Variants in CDH4 observed in about 807,000 individuals in gnomAD.
CDH4 encodes the protein cadherin 4.
A neutral mutation model predicts 86.0 loss-of-function variants in CDH4; 33 were observed. The ratio of observed to expected loss-of-function variants is 0.38; its 90% CI spans 0.29 to 0.51. The LOEUF is 0.51. Ranked by LOEUF, CDH4 falls within the 20% of genes least tolerant of loss-of-function variation. The pLI is 0.86. For missense variants in CDH4, 1,114 were observed against 1,307.4 expected, an observed-to-expected ratio of 0.85 and a Z score of 2.28; for synonymous variants, 555 against 549.4, an observed-to-expected ratio of 1.01 and a Z score of -0.14.
chr20:61,476,999 C>T (rs1202758559), intron 2 of CDH4, among the ~76,000 whole-genome samples: 1 of 152,210 alleles, frequency 6.6e-6, no homozygotes, highest in Non-Finnish European at 1.5e-5. Flanking sequence ...CCAGAGGTGA[C>T]AAAGGCAGAC....
chr20:61,623,916 A>G lies in CDH4; in HGVS notation c.170-119647A>G, dbSNP rs4925263. ...GAACACCCCAGAATCTGAGGAGGAA[A>G]GACACGGTTCCTAGAGCGAGGAACA... On this transcript the variant is annotated intron_variant, in intron 2 of 15. Transcript: ENST00000614565. This position sits in a 1 kb window ranked among gnomAD's most constrained non-coding sequence, Gnocchi z 4.4. 0.33 allele frequency among the ~76,000 whole-genome samples: 46,931 copies of G among 143,728 alleles called. 8,280 individuals carry two copies. Among genetic ancestry groups the G allele is most frequent in the East Asian group, 0.61 (2,888 of 4,726 alleles). 94.3% of individuals were successfully genotyped at this position (143,728 alleles called of 152,430 possible).
At chr20:61,711,674 A>G (rs2087894800) in intron 2 of CDH4, among the ~76,000 whole-genome samples, 1 of 152,206 alleles carries the variant, frequency 6.6e-6, no homozygotes, top group African/African-American at 2.4e-5. Context: ...GTAAGGTGGC[A>G]TAGTCACAGG....
chr20:61,327,692 T>C (rs2084544139), intron 2 of CDH4, among the ~76,000 whole-genome samples: 1 of 152,050 alleles, frequency 6.6e-6, no homozygotes, highest in African/African-American at 2.4e-5. Flanking sequence ...TCCACCAAGA[T>C]GTAACATGGA....
intron 2 of CDH4, among the ~76,000 whole-genome samples, chr20:61,586,035 G>GTGA (rs1357219921): frequency 2.7e-5 from 4 of 150,274 alleles, no homozygotes; most frequent in Non-Finnish European, 5.9e-5. Flanking sequence ...TGGTGATGAT[G>GTGA]TGGTGATGAG....
intron 2 of CDH4, among the ~76,000 whole-genome samples, chr20:61,256,845 G>A (rs1291293966): frequency 2.6e-5 from 4 of 152,186 alleles, no homozygotes; most frequent in Non-Finnish European, 5.9e-5. Context: ...CCTTCTCACT[G>A]TTTTCTTCCA....
chr20:61,353,666 TCTTCC>T (rs2084728132), intron 2 of CDH4, among the ~76,000 whole-genome samples: 1 of 8,672 alleles, frequency 1.2e-4, no homozygotes, highest in Admixed American at 1.4e-3. Flanking sequence ...TTCTTCCTCC[TCTTCC>T]CCCTCCTCCT....
At chr20:61,559,852 C>T (rs2086203710) in intron 2 of CDH4, among the ~76,000 whole-genome samples, 2 of 152,270 alleles carry the variant, frequency 1.3e-5, no homozygotes, top group South Asian at 4.1e-4. Context: ...TCCCAGCTGG[C>T]CATGCCGCTG....
chr20:61,296,294 TGTGC>T (rs2084353798), intron 2 of CDH4, among the ~76,000 whole-genome samples: 2 of 128,186 alleles, frequency 1.6e-5, no homozygotes, highest in African/African-American at 6.0e-5. Flanking sequence ...CGTGTGTGTG[TGTGC>T]GTGGGTGCGT....
chr20:61,529,819 C>G (rs2085938543), intron 2 of CDH4, among the ~76,000 whole-genome samples: 1 of 152,094 alleles, frequency 6.6e-6, no homozygotes, highest in African/African-American at 2.4e-5. Context: ...GTGGAACACA[C>G]TCATCAGTGT....
chr20:61,847,804 C>T (rs964342630), intron 5 of CDH4, among the ~76,000 whole-genome samples: 8 of 151,872 alleles, frequency 5.3e-5, no homozygotes, highest in African/African-American at 1.5e-4. Context: ...GAGAGAGGGA[C>T]GGAGGTGCCA....
intron 2 of CDH4, among the ~76,000 whole-genome samples, chr20:61,346,333 G>A (rs2123291275): frequency 6.6e-6 from 1 of 152,320 alleles, no homozygotes; most frequent in Middle Eastern, 3.4e-3. Flanking sequence ...GGGAGGCAGG[G>A]ATCAGCCAGG....
At chr20:61,321,086 C>T (rs970996475) in intron 2 of CDH4, among the ~76,000 whole-genome samples, 2 of 152,150 alleles carry the variant, frequency 1.3e-5, no homozygotes, top group South Asian at 4.1e-4. Context: ...CATTGACCTA[C>T]CTAGTCCCGC....
intron 2 of CDH4, among the ~76,000 whole-genome samples, chr20:61,714,400 TTTTTG>T (rs1339431622): frequency 5.3e-5 from 8 of 151,928 alleles, no homozygotes; most frequent in Admixed American, 1.3e-4. Context: ...GATATTTTAT[TTTTTG>T]TTTTATTTAC....
chr20:61,637,909 T>C (rs2086964080), intron 2 of CDH4, among the ~76,000 whole-genome samples: 1 of 151,594 alleles, frequency 6.6e-6, no homozygotes, highest in Admixed American at 6.6e-5. Context: ...AAAGCCCAGC[T>C]ATTTGGGAGG....
chr20:61,810,403 G>A lies in CDH4; in HGVS notation c.577-34265G>A, dbSNP rs988486554. ...ACTCTTCCCAGCAAAAACTGCCCTC[G>A]GCCAAGTTTCTGACCTGGGTTCTCA... On this transcript the variant is annotated intron_variant, in intron 4 of 15. Transcript: ENST00000614565. The surrounding 1 kb of genome is among the most constrained non-coding windows in gnomAD (Gnocchi z 4.3). Among the ~76,000 whole-genome samples, 9 of 152,170 alleles carry A rather than the reference G, an allele frequency of 5.9e-5. No homozygotes were observed. Among genetic ancestry groups the A allele is most frequent in the Admixed American group, 3.9e-4 (6 of 15,276 alleles).
At chr20:61,587,550 C>T (rs567408092) in intron 2 of CDH4, among the ~76,000 whole-genome samples, 2 of 152,154 alleles carry the variant, frequency 1.3e-5, no homozygotes, top group African/African-American at 2.4e-5. Context: ...GGTTCCAGGC[C>T]GAGCGCGGGG....
chr20:61,616,402 GC>G (rs766454381), intron 2 of CDH4, among the ~76,000 whole-genome samples: 2 of 152,188 alleles, frequency 1.3e-5, no homozygotes, highest in Non-Finnish European at 2.9e-5. Context: ...CTCCTGCATT[GC>G]CCACAGAGGA....
intron 2 of CDH4, among the ~76,000 whole-genome samples, chr20:61,692,909 A>G (rs909551420): frequency 1.3e-5 from 2 of 152,022 alleles, no homozygotes; most frequent in East Asian, 3.9e-4. Context: ...AAAAGTTAGC[A>G]CATTTTCCTG....
At chr20:61,865,690 G>A (rs1351008787) in intron 6 of CDH4, among the ~76,000 whole-genome samples, 6 of 151,094 alleles carry the variant, frequency 4.0e-5, no homozygotes, top group Non-Finnish European at 7.4e-5. Context: ...CTGTCTTCCT[G>A]GCTGGTTTGT....
Sources: allele counts gnomAD v4.1 joint callset (sites outside exome capture counted in the v4.1 genomes callset), GRCh38; gene constraint gnomAD v4.1.1; non-coding constraint Gnocchi (gnomAD v3.1); transcripts MANE v1.5; gene names NCBI Gene and HGNC (gene_info 2026-07-23, HGNC 2026-07-21).